The following LRRC37A2 variants were observed in gnomAD, a reference collection of about 807,000 sequenced individuals.
LRRC37A2 encodes the protein leucine-rich repeat-containing protein 37A2.
LRRC37A2 carries 9 observed loss-of-function variants against 68.8 expected under a neutral mutation model. The observed-to-expected ratio is 0.13, with a 90% CI of 0.08 to 0.23. LRRC37A2 has a LOEUF of 0.23. Among genes scored for constraint, LRRC37A2 ranks in the 10% least tolerant of loss-of-function variants. LRRC37A2 has a pLI of 1.00. For missense variants in LRRC37A2, 168 were observed against 950.4 expected, an observed-to-expected ratio of 0.18 and a Z score of 10.82; for synonymous variants, 63 against 367.6, an observed-to-expected ratio of 0.17 and a Z score of 9.48.
chr17:46,610,045 T>TG, the LRRC37A2 span, among the ~76,000 whole-genome samples: 9 of 86,282 alleles, frequency 1.0e-4, no homozygotes, highest in East Asian at 2.1e-3. Context: ...CTCTCTCTCT[T>TG]TCTTTCTTTC....
At chr17:46,889,328 G>T in the LRRC37A2 span, among the ~76,000 whole-genome samples, 40 of 152,256 alleles carry the variant, frequency 2.6e-4, no homozygotes, top group African/African-American at 9.1e-4. Flanking sequence ...GCCTCCCTGG[G>T]CGTGGCGGGG....
chr17:46,809,361 G>T, the LRRC37A2 span, among the ~76,000 whole-genome samples: 9 of 152,180 alleles, frequency 5.9e-5, no homozygotes, highest in African/African-American at 2.2e-4. Flanking sequence ...TTCCTTGCCG[G>T]CCCAGCTGGC....
the LRRC37A2 span, among the ~76,000 whole-genome samples, chr17:46,829,608 C>A: frequency 2.6e-5 from 4 of 152,188 alleles, no homozygotes; most frequent in Non-Finnish European, 4.4e-5. Flanking sequence ...CACAGCCCCA[C>A]CAGCCATGCC....
At chr17:46,904,422 G>A in the LRRC37A2 span, among the ~76,000 whole-genome samples, 9 of 146,540 alleles carry the variant, frequency 6.1e-5, no homozygotes, top group African/African-American at 2.3e-4. Context: ...TGGTGGGTGC[G>A]TGGGTGGCTG....
At chr17:46,898,363 T>A in the LRRC37A2 span, among the ~76,000 whole-genome samples, 4 of 152,316 alleles carry the variant, frequency 2.6e-5, no homozygotes, top group East Asian at 7.7e-4. Flanking sequence ...GTTGTACATG[T>A]AAAATAATTC....
At chr17:46,967,389 C>A in the LRRC37A2 span, among the ~76,000 whole-genome samples, 8 of 152,212 alleles carry the variant, frequency 5.3e-5, no homozygotes, top group African/African-American at 1.7e-4. Flanking sequence ...AGGGCTCAAT[C>A]AACATTAGCT....
the LRRC37A2 span, among the ~76,000 whole-genome samples, chr17:46,750,924 A>G: frequency 6.6e-6 from 1 of 152,056 alleles, no homozygotes; most frequent in Non-Finnish European, 1.5e-5. Context: ...TTTTTTGAAA[A>G]TGACAGTCAT....
the LRRC37A2 span, among the ~76,000 whole-genome samples, chr17:46,679,879 A>T: frequency 6.6e-6 from 1 of 150,702 alleles, no homozygotes; most frequent in African/African-American, 2.5e-5. Flanking sequence ...TGATAATAAA[A>T]AGGTAATTTT....
the LRRC37A2 span, among the ~76,000 whole-genome samples, chr17:46,836,728 G>C: frequency 6.6e-6 from 1 of 152,122 alleles, no homozygotes; most frequent in Non-Finnish European, 1.5e-5. Flanking sequence ...AGGTGAGCAG[G>C]GTTGGCCAGG....
the LRRC37A2 span, chr17:46,932,437 G>A: frequency 1.7e-6 from 1 of 604,350 alleles, no homozygotes; most frequent in Non-Finnish European, 2.9e-6. Flanking sequence ...AATAGGCAGA[G>A]GTGAAAATTA....
At chr17:46,779,097 A>ACC in the LRRC37A2 span, among the ~76,000 whole-genome samples, 7 of 131,356 alleles carry the variant, frequency 5.3e-5, no homozygotes, top group East Asian at 2.7e-4. Flanking sequence ...ACACACACAC[A>ACC]CACACACCCC....
At chr17:46,791,499 G>GC in the LRRC37A2 span, among the ~76,000 whole-genome samples, 22 of 152,070 alleles carry the variant, frequency 1.4e-4, no homozygotes, top group Admixed American at 2.0e-4. Context: ...GAGCCACCAC[G>GC]CCCGGCCTCC....
chr17:46,676,551 C>T, the LRRC37A2 span, among the ~76,000 whole-genome samples: 9 of 146,096 alleles, frequency 6.2e-5, no homozygotes, highest in Non-Finnish European at 1.2e-4. Flanking sequence ...AATTGTAAAC[C>T]ATGGATCCTT....
chr17:46,996,865 CT>C, the LRRC37A2 span, among the ~76,000 whole-genome samples: 2 of 152,200 alleles, frequency 1.3e-5, no homozygotes, highest in Non-Finnish European at 2.9e-5. Flanking sequence ...CCAGCCAATT[CT>C]TCTGCTGGTG....
chr17:46,946,509 A>G, the LRRC37A2 span, among the ~76,000 whole-genome samples: 208 of 76,018 alleles, frequency 2.7e-3, 1 homozygote, highest in Middle Eastern at 0.014. Flanking sequence ...CCCTTTGTGG[A>G]AAAAAAAAAA....
chr17:47,020,102 C>A, the LRRC37A2 span, among the ~76,000 whole-genome samples: 2 of 150,896 alleles, frequency 1.3e-5, no homozygotes, highest in African/African-American at 2.5e-5. Flanking sequence ...TTACAGCAGC[C>A]TGTCCCTCTC....
the LRRC37A2 span, among the ~76,000 whole-genome samples, chr17:46,952,052 T>C: frequency 6.6e-6 from 1 of 152,218 alleles, no homozygotes; most frequent in Admixed American, 6.5e-5. Context: ...GGGAGATTCC[T>C]GAAGCTGGGT....
At chr17:46,760,633 CAAAAAAAA>C in the LRRC37A2 span, among the ~76,000 whole-genome samples, 3 of 61,276 alleles carry the variant, frequency 4.9e-5, no homozygotes, top group South Asian at 5.2e-4. Context: ...GACCCTATCT[CAAAAAAAA>C]AAAAAAAAAG....
chr17:46,922,226 C>T, the LRRC37A2 span, among the ~76,000 whole-genome samples: 1 of 151,972 alleles, frequency 6.6e-6, no homozygotes, highest in South Asian at 2.1e-4. Context: ...AGCAAACTAT[C>T]GCAAGGACAA....
Sources: allele counts gnomAD v4.1 joint callset (sites outside exome capture counted in the v4.1 genomes callset), GRCh38; gene constraint gnomAD v4.1.1; transcripts MANE v1.5; gene names NCBI Gene and HGNC (gene_info 2026-07-23, HGNC 2026-07-21).